Variants in PCF11 observed in about 807,000 individuals in gnomAD.
The protein encoded by PCF11 is pre-mRNA cleavage complex 2 protein Pcf11.
A neutral mutation model predicts 166.1 loss-of-function variants in PCF11; 19 were observed. That is an observed-to-expected ratio of 0.11 (90% confidence interval 0.08 to 0.17). The LOEUF (loss-of-function observed/expected upper bound fraction) is 0.17, where lower values mean the gene tolerates loss of function less well. Among genes scored for constraint, PCF11 ranks in the 10% least tolerant of loss-of-function variants. PCF11 has a pLI of 1.00. For missense variants in PCF11, 1,565 were observed against 1,855.5 expected (o/e 0.84, Z 2.88); for synonymous variants, 663 against 644.1 (o/e 1.03, Z -0.44).
chr11:83,157,745 C>T (rs1347124031), intron 1 of PCF11, 114 bp downstream of exon 1: 3 of 918,244 alleles, frequency 3.3e-6, no homozygotes, highest in Non-Finnish European at 3.4e-6. Context: ...TCTCTCCAAC[C>T]CCCCCACCCC....
chr11:83,175,083 C>T (rs1248232180), intron 9 of PCF11, among the ~76,000 whole-genome samples: 2 of 152,176 alleles, frequency 1.3e-5, no homozygotes, highest in Non-Finnish European at 2.9e-5. Flanking sequence ...CAGAACTTTT[C>T]TGTATAGGTG....
exon 1 of PCF11, chr11:83,157,220 T>A: frequency 1.7e-6 from 1 of 587,298 alleles, no homozygotes; most frequent in Non-Finnish European, 3.0e-6. Context: ...AAGAAGCTTC[T>A]GTGGCGGCTG....
chr11:83,162,100 CATG>C (rs1325116360), intron 2 of PCF11, among the ~76,000 whole-genome samples: 3 of 152,124 alleles, frequency 2.0e-5, no homozygotes, highest in South Asian at 4.1e-4. Context: ...AACACTGTAA[CATG>C]GTGGTTTGGT....
At chr11:83,166,924 G>A (rs1284668665) in intron 5 of PCF11, among the ~76,000 whole-genome samples, 1 of 152,144 alleles carries the variant, frequency 6.6e-6, no homozygotes, top group East Asian at 1.9e-4. Context: ...ACCTAAGGCT[G>A]CAGTCCAGGA....
Position 83,167,495 on chromosome 11 carries a change from G to T in PCF11, c.2082G>T (p.Gln694His), listed in dbSNP as rs1860512187. 1 of 1,610,164 alleles carries T rather than the reference G, an allele frequency of 6.2e-7. No homozygotes were observed. Among genetic ancestry groups the T allele is most frequent in the Non-Finnish European group, 8.5e-7 (1 of 1,178,502 alleles). Residue 694 changes from glutamine (Q) to histidine (H), a missense_variant, in exon 7 of 16, where the codon CAG (glutamine) becomes CAT (histidine). Gln to His is a conservative substitution (Grantham distance 24). Around this residue, in one of 12 missense-constraint regions of PCF11, gnomAD observed 26 missense variants for 63.3 expected, o/e 0.41. Coordinates refer to ENST00000298281, the Ensembl canonical transcript of PCF11. This position sits in a 1 kb window ranked among gnomAD's most constrained non-coding sequence, Gnocchi z 4.2. ...TGCATCAAATTCGACAGCTATTTCA[G>T]TATCAAGAAGGTAAACATAGATGCA...
Position 83,184,823 on chromosome 11 carries a change from G to A in PCF11, c.4597G>A (p.Ala1533Thr), listed in dbSNP as rs756324369. 1.9e-6 allele frequency: 3 copies of A among 1,598,912 alleles called. No individual in the cohort carries two copies. The African/African-American group carries it at 4.1e-5, about 22-fold the overall frequency. The change falls in exon 16 of 16, where the codon GCT becomes ACT. Residue 1533 changes from alanine (A) to threonine (T), a missense_variant. Around this residue, in one of 12 missense-constraint regions of PCF11, gnomAD observed 99 missense variants for 89.1 expected, o/e 1.11. Transcript: ENST00000298281. ...GGAAGAACGAATTGATACACCACCA[G>A]CTTGTACAGAGGAAAGCATAGCAAC...
exon 3 of PCF11, chr11:83,163,774 C>T (rs763172671): frequency 9.4e-6 from 15 of 1,592,430 alleles, no homozygotes; most frequent in Admixed American, 3.4e-5. Context: ...ATGTCAGAGT[C>T]AATTCATTAG....
Position 83,157,210 on chromosome 11 carries a change from A to T in PCF11, c.-230A>T, listed in dbSNP as rs946896103. The T allele has an allele frequency of 6.8e-6, 4 of 584,158 alleles. No individual in the cohort carries two copies. In the African/African-American group the frequency reaches 7.5e-5, roughly 11 times the overall value. The allele number at this position is 584,158 out of a possible 1,614,324, so 36.2% of individuals were successfully genotyped here. A position where few individuals can be genotyped will look rare whatever the true frequency, so the allele number is the denominator to read the frequency against. On this transcript the variant is annotated 5_prime_UTR_variant, in exon 1 of 16. Transcript: ENST00000298281. ...CGCCGCCATTTTGTGTCTGTGGAGA[A>T]AGAAGCTTCTGTGGCGGCTGGAAGT...
rs780610874 is a variant in PCF11 at position 83,171,912 on chromosome 11, C to T, written c.3755C>T (p.Ser1252Leu). Residue 1252 changes from serine (S) to leucine (L), a missense_variant and splice_region_variant, in exon 9 of 16, where the codon TCA (serine) becomes TTA (leucine). This residue lies in a region of PCF11 where 725 missense variants were observed against 749.3 expected (regional missense o/e 0.97). Transcript: ENST00000298281. The stretch of plus-strand genomic sequence containing the variant: ...AATCCTGGATTTGTTCAGAATCCTT[C>T]AGGTATGTACTTTCTGAACTTTGTT... The T allele has an allele frequency of 5.5e-6, 8 of 1,444,844 alleles. No individual in the cohort carries two copies. In the South Asian group the frequency reaches 8.1e-5, roughly 15 times the overall value. 89.5% of individuals were successfully genotyped at this position (1,444,844 alleles called of 1,614,324 possible).
chr11:83,161,275 ATTAT>A, intron 1 of PCF11, 48 bp from the exon 2 acceptor site: 1 of 1,459,586 alleles, frequency 6.9e-7, no homozygotes, highest in Admixed American at 2.3e-5. Context: ...TTTTTAAATA[ATTAT>A]TTGGTGGTAA....
At chr11:83,162,473 A>G (rs1860294201) in intron 2 of PCF11, among the ~76,000 whole-genome samples, 1 of 152,240 alleles carries the variant, frequency 6.6e-6, no homozygotes, top group Admixed American at 6.5e-5. Context: ...AATGCTTGTT[A>G]ATAGAATATT....
chr11:83,160,269 C>T (rs958752231), intron 1 of PCF11, among the ~76,000 whole-genome samples: 5 of 143,264 alleles, frequency 3.5e-5, no homozygotes, highest in Non-Finnish European at 7.5e-5. Context: ...GTAAGTGTTA[C>T]TTAGGGTTAA....
intron 2 of PCF11, among the ~76,000 whole-genome samples, chr11:83,163,055 G>A (rs1259655927): frequency 6.6e-6 from 1 of 152,200 alleles, no homozygotes; most frequent in Non-Finnish European, 1.5e-5. Flanking sequence ...ACAGGCGTGA[G>A]CCACCGTGCC....
At chr11:83,184,633 G>C in intron 15 of PCF11, 46 bp from the exon 16 acceptor site, 1 of 1,303,720 alleles carries the variant, frequency 7.7e-7, no homozygotes. Context: ...TTTAATGTGA[G>C]AATTTTGAAC....
intron 4 of PCF11, among the ~76,000 whole-genome samples, chr11:83,164,773 A>G (rs1860387177): frequency 6.6e-6 from 1 of 151,584 alleles, no homozygotes; most frequent in African/African-American, 2.4e-5. Context: ...GCTACTCGAG[A>G]GGCTGAGTTG....
exon 5 of PCF11, chr11:83,166,119 C>G: frequency 6.2e-7 from 1 of 1,610,870 alleles, no homozygotes; most frequent in Non-Finnish European, 8.5e-7. Flanking sequence ...AAAAAAACAT[C>G]TTCAGGATAA....
chr11:83,166,493 A>G, exon 5 of PCF11: 1 of 1,614,020 alleles, frequency 6.2e-7, no homozygotes, highest in East Asian at 2.2e-5. Flanking sequence ...CACATATGGA[A>G]GAGTTTACAC....
At chr11:83,165,779 C>T (rs867322747) in exon 5 of PCF11, 1 of 1,612,892 alleles carries the variant, frequency 6.2e-7, no homozygotes, top group East Asian at 2.2e-5. Flanking sequence ...AAGGAACTAA[C>T]CGGGATCCTC....
At chr11:83,181,518 AT>A (rs57414935) in intron 12 of PCF11, among the ~76,000 whole-genome samples, 27,368 of 143,658 alleles carry the variant, frequency 0.19, 4,668 homozygotes, top group African/African-American at 0.46. Context: ...TTTGAAGGGA[AT>A]TTTTTTTTTT....
Sources: allele counts gnomAD v4.1 joint callset (sites outside exome capture counted in the v4.1 genomes callset), GRCh38; gene constraint gnomAD v4.1.1; regional missense constraint gnomAD v4.1.1; non-coding constraint Gnocchi (gnomAD v3.1); transcripts MANE v1.5; gene names NCBI Gene and HGNC (gene_info 2026-07-23, HGNC 2026-07-21).